The following TNIK variants were observed in gnomAD, a reference collection of about 807,000 sequenced individuals.
TNIK encodes TRAF2 and NCK interacting kinase.
Under a neutral mutation model 191.3 loss-of-function variants are expected in TNIK, and 49 were observed. The observed-to-expected ratio is 0.26, with a 90% CI of 0.20 to 0.32. TNIK has a LOEUF of 0.32. TNIK is among the 10% of genes least tolerant of loss of function. TNIK has a pLI of 1.00. For missense variants in TNIK, 1,155 were observed against 1,702.3 expected, an observed-to-expected ratio of 0.68 and a Z score of 5.66; for synonymous variants, 594 against 600.9, an observed-to-expected ratio of 0.99 and a Z score of 0.17.
At chr3:171,422,204 T>C (rs900951824) in intron 1 of TNIK, among the ~76,000 whole-genome samples, 2 of 152,194 alleles carry the variant, frequency 1.3e-5, no homozygotes, top group Non-Finnish European at 2.9e-5. Context: ...GGATAGATCC[T>C]TTCTCAGGAA....
intron 23 of TNIK, 98 bp downstream of exon 23, chr3:171,093,741 A>C: frequency 6.8e-7 from 1 of 1,478,290 alleles, no homozygotes; most frequent in Non-Finnish European, 9.1e-7. Context: ...AATTCCCCAT[A>C]CTTAAAATAC....
intron 17 of TNIK, 149 bp downstream of exon 17, chr3:171,125,763 C>T (rs1728376352): frequency 8.3e-7 from 1 of 1,209,048 alleles, no homozygotes; most frequent in Admixed American, 2.4e-5. Flanking sequence ...AAGTCTTAGC[C>T]AGGGAATGAA....
intron 15 of TNIK, 63 bp from the exon 16 acceptor site, chr3:171,128,941 T>C (rs1450536263): frequency 5.6e-5 from 82 of 1,453,804 alleles, no homozygotes; most frequent in Non-Finnish European, 7.1e-5. Context: ...GATCACCTTC[T>C]AGCAAGGATT....
At chr3:171,322,483 T>C (rs766143812) in intron 2 of TNIK, among the ~76,000 whole-genome samples, 2 of 152,176 alleles carry the variant, frequency 1.3e-5, no homozygotes, top group Non-Finnish European at 1.5e-5. Flanking sequence ...TTTACAAGCA[T>C]ATATAAAGTA....
chr3:171,184,382 G>A (rs977396970), intron 7 of TNIK, among the ~76,000 whole-genome samples: 1 of 152,172 alleles, frequency 6.6e-6, no homozygotes, highest in African/African-American at 2.4e-5. Context: ...CACTTGTTAT[G>A]TGACCAAAGG....
chr3:171,418,056 T>C (rs1723317845), intron 1 of TNIK, among the ~76,000 whole-genome samples: 1 of 152,158 alleles, frequency 6.6e-6, no homozygotes, highest in Non-Finnish European at 1.5e-5. Flanking sequence ...TCCTGGGAAG[T>C]GAGTCAGTCT....
intron 1 of TNIK, among the ~76,000 whole-genome samples, chr3:171,370,075 T>C (rs1716286758): frequency 6.6e-6 from 1 of 152,188 alleles, no homozygotes; most frequent in Admixed American, 6.5e-5. Flanking sequence ...TATTTCTCTT[T>C]GAAATATCCG....
chr3:171,150,861 T>C (rs963610195), intron 12 of TNIK, among the ~76,000 whole-genome samples: 1 of 152,088 alleles, frequency 6.6e-6, no homozygotes, highest in Admixed American at 6.5e-5. Flanking sequence ...AAAGTCAAGG[T>C]TTTACACTAA....
chr3:171,299,530 G>A (rs1752676182), intron 2 of TNIK, among the ~76,000 whole-genome samples: 1 of 152,152 alleles, frequency 6.6e-6, no homozygotes, highest in Non-Finnish European at 1.5e-5. Flanking sequence ...TACAATGAAA[G>A]GTGACTTTTA....
chr3:171,459,937 C>CCCCCCCT, intron 1 of TNIK, 70 bp downstream of exon 1: 1 of 1,490,106 alleles, frequency 6.7e-7, no homozygotes, highest in Non-Finnish European at 9.2e-7. Flanking sequence ...CCCCAGCCCC[C>CCCCCCCT]AGTCCACGCA....
rs1165754731 is a variant in TNIK, at chr3:171,140,920, C to G, written c.1222-411G>C. 7.9e-5 allele frequency among the ~76,000 whole-genome samples: 12 copies of G among 152,260 alleles called. No individual in the cohort carries two copies. In the East Asian group the frequency reaches 2.3e-3, roughly 29 times the overall value. On this transcript the variant is annotated intron_variant, in intron 12 of 32. Coordinates refer to ENST00000436636, the MANE Select transcript of TNIK (RefSeq NM_015028.4). Reference sequence around the variant, plus strand: ...TTAACACCATGTAACACAAAAATTTCATAGATATGTAAAAATCAGAGCGGT... The same window carrying G: ...TTAACACCATGTAACACAAAAATTTGATAGATATGTAAAAATCAGAGCGGT...
chr3:171,172,509 C>A (rs35006981), intron 9 of TNIK, among the ~76,000 whole-genome samples: 5 of 152,088 alleles, frequency 3.3e-5, no homozygotes, highest in African/African-American at 1.2e-4. Context: ...TTTGGACCTG[C>A]GCTTTCAAGA....
intron 22 of TNIK, among the ~76,000 whole-genome samples, chr3:171,097,393 T>C (rs949224684): frequency 5.3e-5 from 8 of 152,200 alleles, no homozygotes; most frequent in Admixed American, 1.3e-4. Context: ...TATACAAAAA[T>C]ACTGGATGTG....
intron 2 of TNIK, among the ~76,000 whole-genome samples, chr3:171,317,511 A>C (rs1754766569): frequency 6.6e-6 from 1 of 152,204 alleles, no homozygotes; most frequent in African/African-American, 2.4e-5. Context: ...AGAAGTATTC[A>C]GTCACTCATC....
intron 2 of TNIK, among the ~76,000 whole-genome samples, chr3:171,305,900 A>G (rs1271458893): frequency 1.3e-5 from 2 of 152,220 alleles, no homozygotes; most frequent in Non-Finnish European, 2.9e-5. Flanking sequence ...ATTCTACCAT[A>G]AAGACACATG....
intron 1 of TNIK, among the ~76,000 whole-genome samples, chr3:171,421,696 C>T (rs919110604): frequency 3.3e-5 from 5 of 151,056 alleles, no homozygotes; most frequent in Non-Finnish European, 5.9e-5. Flanking sequence ...AATAAGAAGA[C>T]CTAGCTCTGC....
chr3:171,082,457 G>C, intron 26 of TNIK, 63 bp from the exon 27 acceptor site: 1 of 1,555,392 alleles, frequency 6.4e-7, no homozygotes, highest in Non-Finnish European at 8.7e-7. Context: ...TGCATCGAGA[G>C]TCCCTATAAA....
At chr3:171,258,349 T>C (rs1321929118) in intron 2 of TNIK, among the ~76,000 whole-genome samples, 1 of 152,190 alleles carries the variant, frequency 6.6e-6, no homozygotes, top group Non-Finnish European at 1.5e-5. Context: ...AGCTACACTA[T>C]CTCACTAATG....
intron 4 of TNIK, among the ~76,000 whole-genome samples, chr3:171,206,333 G>A (rs1242971225): frequency 1.2e-5 from 1 of 81,650 alleles, no homozygotes; most frequent in African/African-American, 4.3e-5. Flanking sequence ...ATATATGTTC[G>A]TGTATATATA....
Sources: gnomAD v4.1 joint callset for allele counts (sites outside exome capture counted in the v4.1 genomes callset) on GRCh38, gnomAD v4.1.1 for gene constraint, MANE v1.5 for transcripts, NCBI Gene and HGNC (gene_info 2026-07-23, HGNC 2026-07-21) for gene names.